ANXA1: variants seen among roughly 807,000 people sequenced by gnomAD.
The protein encoded by ANXA1 is annexin I (lipocortin I).
ANXA1 carries 39 observed loss-of-function variants against 47.9 expected under a neutral mutation model. The ratio of observed to expected loss-of-function variants is 0.81; its 90% CI spans 0.63 to 1.06. The LOEUF is 1.06. ANXA1 is among the 50% of genes least tolerant of loss of function. The pLI, the probability that ANXA1 is intolerant of heterozygous loss-of-function variation, is 0.00. For missense variants in ANXA1, 446 were observed against 422.7 expected, an observed-to-expected ratio of 1.06 and a Z score of -0.48; for synonymous variants, 146 against 142.5, an observed-to-expected ratio of 1.02 and a Z score of -0.17.
chr9:73,165,243 A>G (rs1381767419), intron 9 of ANXA1, 34 bp downstream of exon 9: 1 of 1,553,616 alleles, frequency 6.4e-7, no homozygotes, highest in South Asian at 1.2e-5. Context: ...GAATCTGTTT[A>G]TGGAAGATGC....
chr9:73,167,198 C>T (rs1328119044), intron 10 of ANXA1, among the ~76,000 whole-genome samples: 1 of 152,068 alleles, frequency 6.6e-6, no homozygotes, highest in African/African-American at 2.4e-5. Context: ...CACCTAGTGG[C>T]TTCTCCACTC....
At chr9:73,153,469 AT>A (rs1824001963) in intron 1 of ANXA1, among the ~76,000 whole-genome samples, 1 of 152,136 alleles carries the variant, frequency 6.6e-6, no homozygotes, top group African/African-American at 2.4e-5. Flanking sequence ...CATTATGCTA[AT>A]TTTCTTCATC....
chr9:73,167,613 C>A (rs954316437), intron 11 of ANXA1, 58 bp downstream of exon 11: 4 of 1,443,350 alleles, frequency 2.8e-6, no homozygotes, highest in Non-Finnish European at 3.8e-6. Context: ...GTAGAAAGAA[C>A]AGAAAACCTC....
intron 6 of ANXA1, among the ~76,000 whole-genome samples, chr9:73,161,373 C>T (rs1490954048): frequency 6.6e-6 from 1 of 152,050 alleles, no homozygotes; most frequent in Non-Finnish European, 1.5e-5. Context: ...TGTTGGAAAC[C>T]TTAACTTTAT....
intron 8 of ANXA1, 86 bp from the exon 9 acceptor site, chr9:73,165,030 T>C (rs1824203362): frequency 4.7e-6 from 5 of 1,058,226 alleles, no homozygotes; most frequent in Middle Eastern, 2.1e-4. Flanking sequence ...AGCGATTGCC[T>C]ATATAATCTT....
intron 4 of ANXA1, 121 bp from the exon 5 acceptor site, chr9:73,160,142 C>A: frequency 1.8e-6 from 1 of 562,404 alleles, no homozygotes; most frequent in Non-Finnish European, 3.1e-6. Flanking sequence ...AGGGAAGAAG[C>A]TCTAAAAGAT....
chr9:73,160,683 G>A (rs1398702643), intron 5 of ANXA1, 120 bp from the exon 6 acceptor site: 1 of 704,114 alleles, frequency 1.4e-6, no homozygotes, highest in Non-Finnish European at 2.5e-6. Context: ...ATTATTAAAT[G>A]TTGTGGGTGA....
intron 7 of ANXA1, 142 bp downstream of exon 7, chr9:73,163,003 C>T (rs969874597): frequency 4.9e-5 from 34 of 689,834 alleles, no homozygotes; most frequent in Non-Finnish European, 4.3e-5. Context: ...ATTCTGATGG[C>T]TAACAAATTC....
chr9:73,165,486 GA>G, intron 9 of ANXA1: 1 of 199,028 alleles, frequency 5.0e-6, no homozygotes. Context: ...ATATGTGTGG[GA>G]AAAGACATGC....
chr9:73,166,058 G>C lies in ANXA1; in HGVS notation c.707-39G>C. On this transcript the variant is annotated intron_variant, in intron 9 of 12. Transcript: ENST00000257497. ...TTTGCTAAAGCTTTCTAAAGAAAAG[G>C]ATGTTTTGCATGTATCTTAGTTTGA... The C allele has an allele frequency of 2.0e-6, 3 of 1,477,244 alleles. No homozygotes were observed. In the South Asian group the frequency reaches 3.6e-5, roughly 18 times the overall value. The allele number at this position is 1,477,244 out of a possible 1,614,324, so 91.5% of individuals were successfully genotyped here.
chr9:73,160,298 T>C lies in ANXA1; in HGVS notation c.306T>C (p.Gly102=). The C allele has an allele frequency of 6.3e-7, 1 of 1,581,608 alleles. No homozygotes were observed. The highest frequency in any genetic ancestry group is 8.5e-7 in the Non-Finnish European group (1 of 1,170,288). ...AAACACTGAAGAAAGCCCTTACAGGTCACCTTGAGGAGGTTGTTTTAGCTC... is the reference window on the plus strand; with the variant it reads ...AAACACTGAAGAAAGCCCTTACAGGCCACCTTGAGGAGGTTGTTTTAGCTC... ...LDETLKKALT[G]HLEEVVLALL... is the part of the protein sequence containing the mutation. Residue 102 remains glycine, a synonymous_variant, in exon 5 of 13, where the codon GGT becomes GGC. Coordinates refer to ENST00000257497, the MANE Select transcript of ANXA1 (RefSeq NM_000700.3).
In ANXA1 at chr9:73,170,046, A is replaced by G; in HGVS notation, c.985-5A>G. ...CATTAAGTATACCTTTTTTTGAATC[A>G]ACAGGATGAAACCAAAGGAGATTAT... On this transcript the variant is annotated splice_polypyrimidine_tract_variant and splice_region_variant and intron_variant, in intron 12 of 12. Transcript: ENST00000257497. 1 of 1,599,250 alleles carries G rather than the reference A, an allele frequency of 6.3e-7. No homozygotes were observed. The highest frequency in any genetic ancestry group is 8.5e-7 in the Non-Finnish European group (1 of 1,173,410).
rs754696393 is a variant in ANXA1 at position 73,170,034 on chromosome 9, T to A, written c.985-17T>A. On this transcript the variant is annotated splice_polypyrimidine_tract_variant and intron_variant, in intron 12 of 12. Transcript: ENST00000257497. ...GGTTTCGACTAACATTAAGTATACC[T>A]TTTTTTGAATCAACAGGATGAAACC... is the stretch of plus-strand genomic sequence containing the variant. The A allele has an allele frequency of 6.3e-7, 1 of 1,579,478 alleles. No homozygotes were observed.
rs78573282 is a variant in ANXA1, at chr9:73,159,028, C to A, written c.175+225C>A. On this transcript the variant is annotated intron_variant, in intron 3 of 12. Coordinates refer to ENST00000257497, the MANE Select transcript of ANXA1 (RefSeq NM_000700.3). ...GCAGATATTACTGGCTCATTTCTAG[C>A]AGAAATTCCATGCTGAAATTAAAAG... 4.9e-3 allele frequency among the ~76,000 whole-genome samples: 749 copies of A among 152,264 alleles called. 5 individuals carry two copies. The highest frequency in any genetic ancestry group is 0.016 in the African/African-American group (677 of 41,550).
intron 5 of ANXA1, 67 bp from the exon 6 acceptor site, chr9:73,160,736 A>G: frequency 1.6e-6 from 2 of 1,251,576 alleles, no homozygotes; most frequent in East Asian, 2.4e-5. Flanking sequence ...GGAACACCAA[A>G]AACTCATTGA....
intron 1 of ANXA1, among the ~76,000 whole-genome samples, chr9:73,155,081 C>A (rs1164624827): frequency 1.3e-5 from 2 of 152,152 alleles, no homozygotes; most frequent in Non-Finnish European, 2.9e-5. Context: ...AATTGCTACG[C>A]TTTAGAAAGC....
rs748765797 is a variant in ANXA1 at position 73,163,490 on chromosome 9, G to T, written c.570G>T (p.Glu190Asp). ...LLSLAKGDRS[E>D]DFGVNEDLAD... ...ATTTCTTTCAGGGTGACCGATCTGA[G>T]GACTTTGGTGTGAATGAAGACTTGG... The change falls in exon 8 of 13, where the codon GAG (glutamate) becomes GAT (aspartate). Residue 190 changes from glutamate (E) to aspartate (D), a missense_variant. Transcript: ENST00000257497. 6.2e-7 allele frequency: 1 copy of T among 1,612,936 alleles called. No homozygotes were observed.
At chr9:73,165,788 T>A (rs1348727303) in intron 9 of ANXA1, among the ~76,000 whole-genome samples, 1 of 152,064 alleles carries the variant, frequency 6.6e-6, no homozygotes, top group African/African-American at 2.4e-5. Context: ...TAAGGGAAGA[T>A]CCATTTGCTG....
intron 12 of ANXA1, 133 bp from the exon 13 acceptor site, chr9:73,169,918 T>C (rs1824294746): frequency 5.8e-6 from 3 of 516,252 alleles, no homozygotes; most frequent in African/African-American, 1.9e-5. Context: ...GTTGTATATA[T>C]TGTTTAATTA....
Sources: allele counts gnomAD v4.1 joint callset (sites outside exome capture counted in the v4.1 genomes callset), GRCh38; gene constraint gnomAD v4.1.1; transcripts MANE v1.5; gene names NCBI Gene and HGNC (gene_info 2026-07-23, HGNC 2026-07-21).